ARHGAP24: variants seen among roughly 807,000 people sequenced by gnomAD.
ARHGAP24 encodes rho GTPase-activating protein 24.
In ARHGAP24, 50 loss-of-function variants were observed where a neutral mutation model predicts 76.4. That is an observed-to-expected ratio of 0.65 (90% CI 0.52 to 0.83). ARHGAP24 has a LOEUF of 0.83. ARHGAP24 is among the 40% of genes least tolerant of loss of function. The probability of loss-of-function intolerance (pLI) is 0.00; values close to 1 mark genes in which losing one functional copy is unlikely to be tolerated. For missense variants in ARHGAP24, 930 were observed against 914.2 expected (o/e 1.02, Z -0.22); for synonymous variants, 345 against 323.3 (o/e 1.07, Z -0.72).
intron 8 of ARHGAP24, among the ~76,000 whole-genome samples, chr4:85,984,271 A>G (rs945661463): frequency 2.0e-5 from 3 of 152,216 alleles, no homozygotes; most frequent in African/African-American, 7.2e-5. Flanking sequence ...CACTGGAGTT[A>G]CTATAACAAA....
intron 3 of ARHGAP24, among the ~76,000 whole-genome samples, chr4:85,904,617 A>T (rs1373937947): frequency 6.6e-6 from 1 of 152,256 alleles, no homozygotes; most frequent in African/African-American, 2.4e-5. Context: ...AATGTGCAAC[A>T]TTCAAAACTG....
At chr4:85,704,011 A>G (rs1724204690) in intron 2 of ARHGAP24, among the ~76,000 whole-genome samples, 1 of 152,168 alleles carries the variant, frequency 6.6e-6, no homozygotes. Flanking sequence ...AGAAAGTTAT[A>G]TTATGCAATC....
chr4:85,806,620 A>G (rs978140119), intron 3 of ARHGAP24, among the ~76,000 whole-genome samples: 1 of 152,144 alleles, frequency 6.6e-6, no homozygotes, highest in Non-Finnish European at 1.5e-5. Context: ...GAATGTTGCT[A>G]TATAATCCAC....
intron 2 of ARHGAP24, among the ~76,000 whole-genome samples, chr4:85,607,709 C>T (rs1201892403): frequency 1.3e-4 from 17 of 128,604 alleles, no homozygotes; most frequent in Non-Finnish European, 2.7e-4. Flanking sequence ...AGAAACTTGG[C>T]ACGGCGTAGC....
rs570875836 is a variant in ARHGAP24 at position 85,610,083 on chromosome 4, A to G, written c.180+39362A>G. ...GTCAGGTCCCTGAGGGTGTAGACTA[A>G]GTCTGAGCCAACTTCTTATTGCTCA... On this transcript the variant is annotated intron_variant, in intron 2 of 9. Transcript: ENST00000395184. Among the ~76,000 whole-genome samples, 8 of 152,220 alleles carry G rather than the reference A, an allele frequency of 5.3e-5. No homozygotes were observed. In the East Asian group the frequency reaches 1.5e-3, roughly 29 times the overall value.
intron 2 of ARHGAP24, among the ~76,000 whole-genome samples, chr4:85,716,649 T>C (rs1724744434): frequency 1.3e-5 from 2 of 152,048 alleles, no homozygotes; most frequent in African/African-American, 4.8e-5. Context: ...CTTTTGTCAC[T>C]CAGTATTCCA....
chr4:85,512,893 C>T (rs1005274187), intron 1 of ARHGAP24, among the ~76,000 whole-genome samples: 2 of 152,108 alleles, frequency 1.3e-5, no homozygotes, highest in African/African-American at 2.4e-5. Flanking sequence ...CTCAGTACTC[C>T]CACCAATATA....
At chr4:85,613,226 A>T (rs1310773159) in intron 2 of ARHGAP24, among the ~76,000 whole-genome samples, 1 of 152,208 alleles carries the variant, frequency 6.6e-6, no homozygotes, top group East Asian at 1.9e-4. Context: ...TTTAATAAAT[A>T]TCACAGTTTA....
At chr4:85,511,906 C>A (rs1404704643) in intron 1 of ARHGAP24, among the ~76,000 whole-genome samples, 1 of 152,226 alleles carries the variant, frequency 6.6e-6, no homozygotes, top group South Asian at 2.1e-4. Context: ...CCTTGGCTTG[C>A]AGCTGCATAA....
At chr4:85,766,080 TAATA>T (rs1726924045) in intron 3 of ARHGAP24, among the ~76,000 whole-genome samples, 2 of 152,148 alleles carry the variant, frequency 1.3e-5, no homozygotes, top group Non-Finnish European at 2.9e-5. Context: ...CAGCCTAAGG[TAATA>T]TCAACAAGGT....
At chr4:85,891,389 A>G (rs1733882407) in intron 3 of ARHGAP24, among the ~76,000 whole-genome samples, 1 of 124,344 alleles carries the variant, frequency 8.0e-6, no homozygotes, top group African/African-American at 3.2e-5. Context: ...AGAACTTCCA[A>G]CACTATGTTG....
intron 3 of ARHGAP24, among the ~76,000 whole-genome samples, chr4:85,876,764 C>G (rs1034948194): frequency 6.6e-6 from 1 of 152,146 alleles, no homozygotes; most frequent in African/African-American, 2.4e-5. Context: ...ATGGAGCACA[C>G]GTAACATCAG....
chr4:85,478,447 T>C (rs1722687204), intron 1 of ARHGAP24, among the ~76,000 whole-genome samples: 1 of 152,146 alleles, frequency 6.6e-6, no homozygotes, highest in Non-Finnish European at 1.5e-5. Context: ...AGTGGAGGGA[T>C]TATTGTGATG....
At chr4:85,848,955 T>G (rs1731055463) in intron 3 of ARHGAP24, among the ~76,000 whole-genome samples, 1 of 152,044 alleles carries the variant, frequency 6.6e-6, no homozygotes, top group Non-Finnish European at 1.5e-5. Context: ...CATATGAACT[T>G]TAAAGTAGTT....
At chr4:85,722,395 A>C (rs1264026204) in intron 3 of ARHGAP24, 3 of 202,962 alleles carry the variant, frequency 1.5e-5, no homozygotes, top group South Asian at 8.6e-5. Context: ...CAAAAAAAAA[A>C]ACAAAAAACA....
At chr4:85,675,609 G>A (rs749354445) in intron 2 of ARHGAP24, among the ~76,000 whole-genome samples, 3 of 152,150 alleles carry the variant, frequency 2.0e-5, no homozygotes, top group Non-Finnish European at 2.9e-5. Context: ...TTCCCAAGAT[G>A]GTGGGCATTG....
At chr4:85,903,170 T>G (rs895901351) in intron 3 of ARHGAP24, among the ~76,000 whole-genome samples, 2 of 152,236 alleles carry the variant, frequency 1.3e-5, no homozygotes, top group African/African-American at 4.8e-5. Context: ...TTTTACACAC[T>G]TCTATACTTC....
intron 2 of ARHGAP24, among the ~76,000 whole-genome samples, chr4:85,652,265 AATG>A (rs1721973537): frequency 6.6e-6 from 1 of 152,214 alleles, no homozygotes; most frequent in Admixed American, 6.6e-5. Context: ...CAAAAGTGAT[AATG>A]ATTTTCATAA....
intron 2 of ARHGAP24, among the ~76,000 whole-genome samples, chr4:85,575,212 T>C (rs894841390): frequency 2.6e-5 from 4 of 152,216 alleles, no homozygotes; most frequent in South Asian, 2.1e-4. Flanking sequence ...TTTGCACTTA[T>C]ACAGATTTTA....
Sources: allele counts gnomAD v4.1 joint callset (sites outside exome capture counted in the v4.1 genomes callset), GRCh38; gene constraint gnomAD v4.1.1; transcripts MANE v1.5; gene names NCBI Gene and HGNC (gene_info 2026-07-23, HGNC 2026-07-21).